TASOR2: variants seen among roughly 807,000 people sequenced by gnomAD.
TASOR2 encodes the protein protein TASOR 2.
A neutral mutation model predicts 199.5 loss-of-function variants in TASOR2; 84 were observed. That is an observed-to-expected ratio of 0.42 (90% CI 0.35 to 0.50). The LOEUF (loss-of-function observed/expected upper bound fraction) is 0.50. Ranked by LOEUF, TASOR2 falls within the 20% of genes least tolerant of loss-of-function variation. The probability of loss-of-function intolerance (pLI) is 0.02; values close to 1 mark genes in which losing one functional copy is unlikely to be tolerated. For missense variants in TASOR2, 2,796 were observed against 2,835.9 expected (o/e 0.99, Z 0.32); for synonymous variants, 1,103 against 1,046.6 (o/e 1.05, Z -1.04).
intron 20 of TASOR2, 106 bp downstream of exon 21, chr10:5,762,752 C>A: frequency 1.4e-6 from 1 of 716,972 alleles, no homozygotes; most frequent in Non-Finnish European, 2.4e-6. Flanking sequence ...TGTTTACATA[C>A]TTCATGCTAT....
At chr10:5,705,922 T>A (rs1221252598) in intron 1 of TASOR2, among the ~76,000 whole-genome samples, 1 of 152,340 alleles carries the variant, frequency 6.6e-6, no homozygotes, top group Non-Finnish European at 1.5e-5. Flanking sequence ...TTTTGTGCCC[T>A]ATGAAAACTT....
chr10:5,726,947 A>G (rs943221478), exon 9 of TASOR2: 2 of 1,614,114 alleles, frequency 1.2e-6, no homozygotes, highest in South Asian at 1.1e-5. Flanking sequence ...CAGCCTTACT[A>G]TCAGAACCAG....
chr10:5,757,560 T>G, exon 17 of TASOR2: 1 of 1,611,724 alleles, frequency 6.2e-7, no homozygotes, highest in South Asian at 1.1e-5. Context: ...CCCAGTGTCA[T>G]CTTTGCTGGA....
chr10:5,746,171 C>A lies in TASOR2; in HGVS notation c.2758-8C>A. The A allele has an allele frequency of 6.7e-7, 1 of 1,493,908 alleles. No individual in the cohort carries two copies. 92.5% of individuals were successfully genotyped at this position (1,493,908 alleles called of 1,614,324 possible). The stretch of plus-strand genomic sequence containing the variant: ...GATTTTTTTTTTTTTTTACTTTGGC[C>A]GTTTCAGGTAACTGGGGAAGAAGCT... On this transcript the variant is annotated splice_polypyrimidine_tract_variant and splice_region_variant and intron_variant, in intron 14 of 20. Coordinates refer to ENST00000328090, the Ensembl canonical transcript of TASOR2.
chr10:5,684,867 A>G, exon 1 of TASOR2: 1 of 394,614 alleles, frequency 2.5e-6, no homozygotes. Flanking sequence ...GGTCAGAGAG[A>G]AAGTCGGCAT....
At chr10:5,761,460 T>C in exon 19 of TASOR2, 1 of 1,611,564 alleles carries the variant, frequency 6.2e-7, no homozygotes, top group Non-Finnish European at 8.5e-7. Flanking sequence ...AGGTTTGCTG[T>C]CCTCCTAACA....
At position 5,742,660 on chromosome 10, in the gene TASOR2, T is replaced by C; in HGVS notation, c.2757+134T>C. 2.4e-6 allele frequency: 2 copies of C among 825,550 alleles called. No homozygotes were observed. Among genetic ancestry groups the C allele is most frequent in the Non-Finnish European group, 3.7e-6 (2 of 542,884 alleles). The allele number at this position is 825,550 out of a possible 1,614,324, so 51.1% of individuals were successfully genotyped here. On this transcript the variant is annotated intron_variant, in intron 14 of 20. Transcript: ENST00000328090. The surrounding 1 kb of genome is among the most constrained non-coding windows in gnomAD (Gnocchi z 4.2). ...ATTCTCAAGGTATGTAAAGAACTAT[T>C]ACACCAAAAACCTAGTTTTCATGAA...
At position 5,756,681 on chromosome 10, in the gene TASOR2, G is replaced by T. The variant is rs377533232; in HGVS notation, c.6675G>T (p.Glu2225Asp). Residue 2225 changes from glutamate (E) to aspartate (D), a missense_variant, in exon 16 of 21, where the codon GAG becomes GAT. By Grantham distance (45) the Glu-to-Asp change is conservative. Transcript: ENST00000328090. The stretch of plus-strand genomic sequence containing the variant: ...ACTTCTGTCAAGCTTTCCACAGAGA[G>T]AATGATACACTAATCATCATCATCA... 3.7e-6 allele frequency: 6 copies of T among 1,613,432 alleles called. No individual in the cohort carries two copies. The Admixed American group carries it at 8.3e-5, about 22-fold the overall frequency.
chr10:5,720,549 C>T lies in TASOR2; in HGVS notation c.-94C>T. On this transcript the variant is annotated 5_prime_UTR_variant, in exon 4 of 21. Coordinates refer to ENST00000328090, the Ensembl canonical transcript of TASOR2. This position sits in a 1 kb window ranked among gnomAD's most constrained non-coding sequence, Gnocchi z 5.3. ...ACTTATTTTTCCTCTTTCAGTATTA[C>T]TTTTACGAACTTTCAGGCAACACCG... 6.3e-7 allele frequency: 1 copy of T among 1,598,710 alleles called. No individual in the cohort carries two copies. Among genetic ancestry groups the T allele is most frequent in the Admixed American group, 1.7e-5 (1 of 58,244 alleles).
chr10:5,714,551 G>A (rs1276606723), intron 2 of TASOR2: 3 of 171,554 alleles, frequency 1.7e-5, no homozygotes, highest in Non-Finnish European at 3.7e-5. Flanking sequence ...TTACACTACA[G>A]TGATAATTAT....
chr10:5,726,203 A>G (rs1834044374), intron 8 of TASOR2, among the ~76,000 whole-genome samples: 1 of 152,352 alleles, frequency 6.6e-6, no homozygotes, highest in South Asian at 2.1e-4. Flanking sequence ...TTCATGATTT[A>G]GAACAACAGC....
intron 1 of TASOR2, among the ~76,000 whole-genome samples, chr10:5,696,646 T>A (rs972013216): frequency 6.6e-6 from 1 of 152,170 alleles, no homozygotes; most frequent in Non-Finnish European, 1.5e-5. Context: ...GAGCCACTGG[T>A]GCCTGGCCCT....
intron 14 of TASOR2, among the ~76,000 whole-genome samples, chr10:5,743,347 A>C (rs1163439421): frequency 1.3e-5 from 2 of 152,238 alleles, no homozygotes; most frequent in African/African-American, 4.8e-5. Context: ...CATCATCATG[A>C]GAATTAAAGA....
chr10:5,719,065 T>A lies in TASOR2; in HGVS notation c.-100+1315T>A, dbSNP rs1833025817. Among the ~76,000 whole-genome samples the A allele has an allele frequency of 6.6e-6, 1 of 152,180 alleles. No individual in the cohort carries two copies. Among genetic ancestry groups the A allele is most frequent in the Non-Finnish European group, 1.5e-5 (1 of 68,028 alleles). On this transcript the variant is annotated intron_variant, in intron 3 of 20. Transcript: ENST00000328090. The surrounding 1 kb of genome is among the most constrained non-coding windows in gnomAD (Gnocchi z 4.1). ...GATGGTAGAGATGATTGGTTACTGA[T>A]AAGTACTATTTACATTTTTTGGCTT...
chr10:5,719,674 G>A lies in TASOR2; in HGVS notation c.-99-870G>A, dbSNP rs1007432966. ...TTTTTCTTTTTTTTTGGAGAGACAT[G>A]TAACCCTTGATGGAGAGAACTCTGT... On this transcript the variant is annotated intron_variant, in intron 3 of 20. Coordinates refer to ENST00000328090, the Ensembl canonical transcript of TASOR2. This position sits in a 1 kb window ranked among gnomAD's most constrained non-coding sequence, Gnocchi z 4.1. Among the ~76,000 whole-genome samples, 2 of 151,872 alleles carry A rather than the reference G, an allele frequency of 1.3e-5. No individual in the cohort carries two copies. Among genetic ancestry groups the A allele is most frequent in the Non-Finnish European group, 2.9e-5 (2 of 67,942 alleles).
At chr10:5,761,956 C>T (rs1005949952) in intron 19 of TASOR2, among the ~76,000 whole-genome samples, 4 of 151,900 alleles carry the variant, frequency 2.6e-5, no homozygotes, top group African/African-American at 9.7e-5. Flanking sequence ...ATGGCTTGAA[C>T]CCCGGAGGCA....
chr10:5,718,255 A>C, intron 3 of TASOR2, among the ~76,000 whole-genome samples: 1 of 151,816 alleles, frequency 6.6e-6, no homozygotes. Flanking sequence ...TTTCACCCAA[A>C]CAGAAGGGAA....
At chr10:5,709,408 A>T (rs1330191621) in intron 1 of TASOR2, 9 of 559,958 alleles carry the variant, frequency 1.6e-5, no homozygotes, top group African/African-American at 1.6e-4. Flanking sequence ...TTGTCAAAGG[A>T]GGTAAATAAA....
chr10:5,748,240 C>G lies in TASOR2; in HGVS notation c.4819C>G (p.Gln1607Glu). The G allele has an allele frequency of 6.2e-7, 1 of 1,614,158 alleles. No individual in the cohort carries two copies. The highest frequency in any genetic ancestry group is 1.3e-5 in the African/African-American group (1 of 75,048). ...TGGTATAGTGAATGTGTCAGTAAAA[C>G]AGCAGACTAGCCCTAAAAGCAGTCA... is the stretch of plus-strand genomic sequence containing the variant. Residue 1607 changes from glutamine (Q) to glutamate (E), a missense_variant, in exon 15 of 21, where the codon CAG (glutamine) becomes GAG (glutamate). This residue lies in a region of TASOR2 where 1,941 missense variants were observed against 1,924.9 expected (regional missense o/e 1.01). Transcript: ENST00000328090. The surrounding 1 kb of genome is among the most constrained non-coding windows in gnomAD (Gnocchi z 5.1).
Sources: allele counts gnomAD v4.1 joint callset (sites outside exome capture counted in the v4.1 genomes callset), GRCh38; gene constraint gnomAD v4.1.1; regional missense constraint gnomAD v4.1.1; non-coding constraint Gnocchi (gnomAD v3.1); transcripts MANE v1.5; gene names NCBI Gene and HGNC (gene_info 2026-07-23, HGNC 2026-07-21).